The following ACOXL variants were observed in gnomAD, a reference collection of about 807,000 sequenced individuals.
ACOXL encodes the protein acyl-CoA oxidase like.
ACOXL carries 70 observed loss-of-function variants against 71.9 expected under a neutral mutation model. The ratio of observed to expected loss-of-function variants is 0.97; its 90% CI spans 0.80 to 1.19. The LOEUF (loss-of-function observed/expected upper bound fraction) is 1.19, where lower values mean the gene tolerates loss of function less well. Ranked by LOEUF, ACOXL falls within the 50% of genes most tolerant of loss-of-function variation. The probability of loss-of-function intolerance (pLI) is 0.00; values close to 1 mark genes in which losing one functional copy is unlikely to be tolerated. For missense variants in ACOXL, 703 were observed against 736.3 expected (o/e 0.95, Z 0.52); for synonymous variants, 253 against 281.6 (o/e 0.90, Z 1.02).
intron 13 of ACOXL, among the ~76,000 whole-genome samples, chr2:110,993,137 T>TA (rs1450510282): frequency 1.3e-5 from 2 of 152,220 alleles, no homozygotes; most frequent in Non-Finnish European, 2.9e-5. Flanking sequence ...GTTACATATT[T>TA]AGTTATAGTT....
At chr2:110,864,145 A>G (rs774327081) in intron 10 of ACOXL, among the ~76,000 whole-genome samples, 3 of 152,230 alleles carry the variant, frequency 2.0e-5, no homozygotes, top group Non-Finnish European at 4.4e-5. Flanking sequence ...TGAGAGCCAA[A>G]GACCCAAGTG....
intron 12 of ACOXL, among the ~76,000 whole-genome samples, chr2:110,950,401 T>A (rs1475448543): frequency 6.6e-6 from 1 of 152,226 alleles, no homozygotes; most frequent in Non-Finnish European, 1.5e-5. Flanking sequence ...ATAATCCATT[T>A]TATTTGGCAA....
intron 14 of ACOXL, among the ~76,000 whole-genome samples, chr2:111,030,958 T>C (rs1282791617): frequency 2.0e-5 from 3 of 152,198 alleles, no homozygotes; most frequent in Admixed American, 6.5e-5. Context: ...ACTCTAGTTA[T>C]ATTAATATGT....
chr2:110,936,006 G>C (rs554197936), intron 12 of ACOXL, among the ~76,000 whole-genome samples: 1 of 152,256 alleles, frequency 6.6e-6, no homozygotes, highest in South Asian at 2.1e-4. Flanking sequence ...TAATGGTGCT[G>C]CTGAACTGAC....
intron 11 of ACOXL, among the ~76,000 whole-genome samples, chr2:110,924,997 T>C (rs187022421): frequency 6.6e-6 from 1 of 152,326 alleles, no homozygotes; most frequent in East Asian, 1.9e-4. Context: ...TATCTCCTTG[T>C]ACATCTCCCT....
intron 12 of ACOXL, among the ~76,000 whole-genome samples, chr2:110,950,864 A>G (rs1410625349): frequency 2.0e-5 from 3 of 150,970 alleles, no homozygotes; most frequent in Non-Finnish European, 2.9e-5. Flanking sequence ...CTCTCATGAG[A>G]ACCAGGGACT....
chr2:110,838,258 G>A (rs914365984), intron 9 of ACOXL, among the ~76,000 whole-genome samples: 2 of 152,216 alleles, frequency 1.3e-5, no homozygotes, highest in African/African-American at 2.4e-5. Flanking sequence ...ATGTGGACGA[G>A]TGTATGTGTG....
chr2:110,976,813 C>T (rs958283115), intron 12 of ACOXL, among the ~76,000 whole-genome samples: 11 of 152,070 alleles, frequency 7.2e-5, no homozygotes, highest in Non-Finnish European at 1.5e-4. Flanking sequence ...CTTCTTGAAA[C>T]AAGAGAAAGA....
At chr2:110,850,656 C>T (rs1013564042) in intron 10 of ACOXL, among the ~76,000 whole-genome samples, 16 of 152,090 alleles carry the variant, frequency 1.1e-4, no homozygotes, top group South Asian at 2.1e-4. Flanking sequence ...AAAAAAACCA[C>T]GCTGATAATA....
At chr2:110,883,134 C>T (rs561743487) in intron 10 of ACOXL, among the ~76,000 whole-genome samples, 10 of 94,214 alleles carry the variant, frequency 1.1e-4, no homozygotes, top group South Asian at 3.3e-4. Flanking sequence ...TTTTTTGAGA[C>T]GATCTCACTC....
intron 12 of ACOXL, among the ~76,000 whole-genome samples, chr2:110,954,809 C>G (rs1392162499): frequency 3.0e-5 from 1 of 33,508 alleles, no homozygotes; most frequent in Non-Finnish European, 8.7e-5. Flanking sequence ...TTCTTCTAAA[C>G]ACCATTTAGT....
chr2:110,844,418 C>T (rs1441967553), intron 10 of ACOXL, among the ~76,000 whole-genome samples: 2 of 152,176 alleles, frequency 1.3e-5, no homozygotes, highest in African/African-American at 4.8e-5. Flanking sequence ...ATTGATGACA[C>T]TTCACGAGGT....
At chr2:110,798,514 C>A (rs557634379) in intron 5 of ACOXL, 96 bp from the exon 6 acceptor site, 3 of 1,001,730 alleles carry the variant, frequency 3.0e-6, no homozygotes, top group South Asian at 1.3e-5. Context: ...CCTCGGCCCC[C>A]CAAAGTGCTG....
At chr2:110,837,505 G>A (rs1449629717) in intron 9 of ACOXL, among the ~76,000 whole-genome samples, 1 of 151,958 alleles carries the variant, frequency 6.6e-6, no homozygotes, top group Non-Finnish European at 1.5e-5. Flanking sequence ...TGAAATCTAC[G>A]TGGTGCTTTA....
intron 3 of ACOXL, among the ~76,000 whole-genome samples, chr2:110,792,501 C>T (rs1009436999): frequency 6.6e-6 from 1 of 152,124 alleles, no homozygotes; most frequent in Non-Finnish European, 1.5e-5. Context: ...TTACAAAAGA[C>T]CAGGCAGGCT....
intron 16 of ACOXL, among the ~76,000 whole-genome samples, chr2:111,062,697 A>C (rs1280963669): frequency 6.6e-6 from 1 of 152,154 alleles, no homozygotes. Flanking sequence ...CTTACAGCTT[A>C]TTTTAAGAAA....
Position 110,798,517 on chromosome 2 carries a change from A to G in ACOXL, c.346-93A>G, listed in dbSNP as rs548953368. On this transcript the variant is annotated intron_variant, in intron 5 of 17. Coordinates refer to ENST00000439055, the MANE Select transcript of ACOXL (RefSeq NM_001142807.4). ...GTGATCCACCCACCTCGGCCCCCCA[A>G]AGTGCTGGGATTACAGTATTCATTG... The G allele has an allele frequency of 4.4e-5, 45 of 1,023,346 alleles. No homozygotes were observed. The East Asian group carries it at 1.0e-3, about 24-fold the overall frequency. 63.4% of individuals were successfully genotyped at this position (1,023,346 alleles called of 1,614,324 possible).
In ACOXL at chr2:110,877,558, C is replaced by T. The variant is rs75956415; in HGVS notation, c.789-31231C>T. On this transcript the variant is annotated intron_variant, in intron 10 of 17. Transcript: ENST00000439055. The stretch of plus-strand genomic sequence containing the variant: ...TGAAAACAGAACTTAACCCTTTGAA[C>T]GTAGCCACTGGGTTGATGCAGCTCA... Among the ~76,000 whole-genome samples the T allele has an allele frequency of 9.1e-3, 1,392 of 152,274 alleles. 11 individuals carry two copies. The highest frequency in any genetic ancestry group is 0.058 in the Middle Eastern group (17 of 294).
chr2:110,896,924 C>T (rs2059032896), intron 10 of ACOXL, among the ~76,000 whole-genome samples: 1 of 151,992 alleles, frequency 6.6e-6, no homozygotes, highest in South Asian at 2.1e-4. Flanking sequence ...AAGTAGAGTA[C>T]ACCTTCTTTT....
Sources: allele counts gnomAD v4.1 joint callset (sites outside exome capture counted in the v4.1 genomes callset), GRCh38; gene constraint gnomAD v4.1.1; transcripts MANE v1.5; gene names NCBI Gene and HGNC (gene_info 2026-07-23, HGNC 2026-07-21).